HS3ST4: variants seen among roughly 807,000 people sequenced by gnomAD.
The protein encoded by HS3ST4 is heparan sulfate-glucosamine 3-sulfotransferase 4.
A neutral mutation model predicts 29.2 loss-of-function variants in HS3ST4; 17 were observed. The ratio of observed to expected loss-of-function variants is 0.58; its 90% CI spans 0.40 to 0.87. HS3ST4 has a LOEUF of 0.87. HS3ST4 is among the 40% of genes least tolerant of loss of function. The probability of loss-of-function intolerance (pLI) is 0.00; values close to 1 mark genes in which losing one functional copy is unlikely to be tolerated. For synonymous variants in HS3ST4, 314 were observed against 285.7 expected (o/e 1.10, Z -1.00); for missense variants, 627 against 634.5 (o/e 0.99, Z 0.13).
chr16:25,828,668 C>T (rs897735837), intron 1 of HS3ST4, among the ~76,000 whole-genome samples: 5 of 151,970 alleles, frequency 3.3e-5, no homozygotes, highest in Admixed American at 2.0e-4. Context: ...TGATGCTTAC[C>T]CTCTTCCTAC....
intron 1 of HS3ST4, among the ~76,000 whole-genome samples, chr16:25,919,019 G>A (rs1474501463): frequency 6.6e-6 from 1 of 152,118 alleles, no homozygotes; most frequent in African/African-American, 2.4e-5. Flanking sequence ...GGTTGGCAAT[G>A]CATTTTATTT....
At chr16:25,992,090 G>A (rs1333896433) in intron 1 of HS3ST4, among the ~76,000 whole-genome samples, 2 of 152,166 alleles carry the variant, frequency 1.3e-5, no homozygotes, top group South Asian at 4.1e-4. Flanking sequence ...TCTACCAAGT[G>A]CATGGTGCTA....
rs1320366063 is a variant in HS3ST4, at chr16:25,692,961, G to A, written c.544G>A (p.Glu182Lys). ...CCGGAGAGCGGCCAACGGGAGCAGC[G>A]AGAGGGGCGGCGCCGTCAGCACCCC... ...AGRRAANGSSERGGAVSTPDY... is the reference protein window; with the variant it reads ...AGRRAANGSSKRGGAVSTPDY... The change falls in exon 1 of 2, where the codon GAG becomes AAG. Residue 182 changes from glutamate to lysine, a missense_variant. Around this residue, in one of 2 missense-constraint regions of HS3ST4, gnomAD observed 402 missense variants for 340.8 expected, o/e 1.18. Coordinates refer to ENST00000331351, the MANE Select transcript of HS3ST4 (RefSeq NM_006040.3). 1 of 1,610,664 alleles carries A rather than the reference G, an allele frequency of 6.2e-7. No individual in the cohort carries two copies. The highest frequency in any genetic ancestry group is 8.5e-7 in the Non-Finnish European group (1 of 1,179,082).
chr16:26,071,162 G>A (rs994416053), intron 1 of HS3ST4, among the ~76,000 whole-genome samples: 1 of 152,146 alleles, frequency 6.6e-6, no homozygotes, highest in Non-Finnish European at 1.5e-5. Context: ...GTCCCTACAC[G>A]AGCTCCACAA....
chr16:25,963,367 C>T (rs2141702825), intron 1 of HS3ST4, among the ~76,000 whole-genome samples: 1 of 152,248 alleles, frequency 6.6e-6, no homozygotes, highest in South Asian at 2.1e-4. Context: ...TTCATGCCCT[C>T]CTTCTTGTGT....
intron 1 of HS3ST4, among the ~76,000 whole-genome samples, chr16:26,089,281 ACTT>A (rs1388829998): frequency 1.3e-5 from 2 of 152,148 alleles, no homozygotes; most frequent in East Asian, 3.9e-4. Context: ...GTGAAGGTTG[ACTT>A]CTTCATGCTG....
chr16:25,899,671 A>ATTTT (rs561490560), intron 1 of HS3ST4, among the ~76,000 whole-genome samples: 1 of 142,900 alleles, frequency 7.0e-6, no homozygotes, highest in Non-Finnish European at 1.5e-5. Flanking sequence ...ACGCTCAGCT[A>ATTTT]TTTTTTTTTT....
At chr16:26,087,257 C>G (rs1057510277) in intron 1 of HS3ST4, among the ~76,000 whole-genome samples, 2 of 152,198 alleles carry the variant, frequency 1.3e-5, no homozygotes, top group Admixed American at 1.3e-4. Flanking sequence ...CCAAGGGGCT[C>G]AGATGTATTT....
chr16:25,901,079 G>A lies in HS3ST4; in HGVS notation c.734+207928G>A, dbSNP rs539498649. ...GTGTGGTATTAGGGGAGGATCTCTGGCTTCCCTGAGCTCATATGCATGGAA... is the reference window on the plus strand; with the variant it reads ...GTGTGGTATTAGGGGAGGATCTCTGACTTCCCTGAGCTCATATGCATGGAA... On this transcript the variant is annotated intron_variant, in intron 1 of 1. Coordinates refer to ENST00000331351, the MANE Select transcript of HS3ST4 (RefSeq NM_006040.3). Among the ~76,000 whole-genome samples, 4 of 152,226 alleles carry A rather than the reference G, an allele frequency of 2.6e-5. No individual in the cohort carries two copies. The South Asian group carries it at 8.3e-4, about 32-fold the overall frequency.
At chr16:25,774,772 A>G (rs1254004304) in intron 1 of HS3ST4, among the ~76,000 whole-genome samples, 1 of 152,128 alleles carries the variant, frequency 6.6e-6, no homozygotes, top group African/African-American at 2.4e-5. Context: ...TACCTACATG[A>G]TCTATTAGTT....
At chr16:25,990,421 G>A (rs529277290) in intron 1 of HS3ST4, among the ~76,000 whole-genome samples, 5 of 152,350 alleles carry the variant, frequency 3.3e-5, no homozygotes, top group East Asian at 1.9e-4. Context: ...CCAACTTTGA[G>A]TGTTGTCAAT....
At chr16:26,001,388 C>T (rs1271703961) in intron 1 of HS3ST4, among the ~76,000 whole-genome samples, 2 of 152,044 alleles carry the variant, frequency 1.3e-5, no homozygotes, top group Non-Finnish European at 2.9e-5. Context: ...TAATGAAATG[C>T]TAATAATAGG....
At chr16:26,123,332 C>A (rs1436648075) in intron 1 of HS3ST4, among the ~76,000 whole-genome samples, 1 of 152,268 alleles carries the variant, frequency 6.6e-6, no homozygotes, top group Non-Finnish European at 1.5e-5. Context: ...AGAGACTCAA[C>A]ACTTCCTTAG....
At position 25,777,485 on chromosome 16, in the gene HS3ST4, A is replaced by G. The variant is rs547272107; in HGVS notation, c.734+84334A>G. Among the ~76,000 whole-genome samples, 41 of 152,136 alleles carry G rather than the reference A, an allele frequency of 2.7e-4. No homozygotes were observed. The South Asian group carries it at 7.1e-3, about 26-fold the overall frequency. The stretch of plus-strand genomic sequence containing the variant: ...TGTGTGCATAAGATACAGCTTATAC[A>G]AGGCTGGGCGCGGTGGCTCGCGCCT... On this transcript the variant is annotated intron_variant, in intron 1 of 1. Transcript: ENST00000331351.
intron 1 of HS3ST4, chr16:26,062,619 T>A (rs1209576287): frequency 6.6e-6 from 1 of 152,212 alleles, no homozygotes; most frequent in Non-Finnish European, 1.5e-5. Flanking sequence ...AGTTTTTTTT[T>A]TTTTTTTAGT....
At chr16:25,755,545 G>C (rs1331662642) in intron 1 of HS3ST4, among the ~76,000 whole-genome samples, 1 of 152,172 alleles carries the variant, frequency 6.6e-6, no homozygotes. Context: ...TGTGGTTCTA[G>C]GTCAGAGGTC....
intron 1 of HS3ST4, among the ~76,000 whole-genome samples, chr16:25,707,098 G>T (rs1966380625): frequency 6.6e-6 from 1 of 152,090 alleles, no homozygotes; most frequent in Non-Finnish European, 1.5e-5. Context: ...CAGCTGTCTT[G>T]GTTATCAGAT....
At chr16:26,030,160 C>G (rs1325144221) in intron 1 of HS3ST4, among the ~76,000 whole-genome samples, 2 of 152,194 alleles carry the variant, frequency 1.3e-5, no homozygotes, top group African/African-American at 4.8e-5. Flanking sequence ...ATAGACCAGC[C>G]TGCCTAGGTT....
chr16:25,974,548 C>T (rs1478477745), intron 1 of HS3ST4, among the ~76,000 whole-genome samples: 1 of 152,076 alleles, frequency 6.6e-6, no homozygotes. Flanking sequence ...ACACTAGATC[C>T]TTAAAGCTCA....
Sources: allele counts gnomAD v4.1 joint callset (sites outside exome capture counted in the v4.1 genomes callset), GRCh38; gene constraint gnomAD v4.1.1; regional missense constraint gnomAD v4.1.1; transcripts MANE v1.5; gene names NCBI Gene and HGNC (gene_info 2026-07-23, HGNC 2026-07-21).